CNTLN: variants seen among roughly 807,000 people sequenced by gnomAD.
CNTLN encodes the protein centlein.
A neutral mutation model predicts 180.0 loss-of-function variants in CNTLN; 212 were observed. That is an observed-to-expected ratio of 1.18 (90% CI 1.05 to 1.32). The LOEUF is 1.32. Ranked by LOEUF, CNTLN falls within the 40% of genes most tolerant of loss-of-function variation. The pLI is 0.00. For synonymous variants in CNTLN, 722 were observed against 563.1 expected (o/e 1.28, Z -3.99); for missense variants, 2,095 against 1,610.9 (o/e 1.30, Z -5.14).
At position 17,287,985 on chromosome 9, in the gene CNTLN, G is replaced by C. The variant is rs978848263; in HGVS notation, c.984-10205G>C. Among the ~76,000 whole-genome samples, 4 of 139,644 alleles carry C rather than the reference G, an allele frequency of 2.9e-5. 1 individual carries two copies. Among genetic ancestry groups the C allele is most frequent in the African/African-American group, 1.2e-4 (4 of 33,888 alleles). The allele number at this position is 139,644 out of a possible 152,430, so 91.6% of individuals were successfully genotyped here. On this transcript the variant is annotated intron_variant, in intron 6 of 25. Coordinates refer to ENST00000380647, the MANE Select transcript of CNTLN (RefSeq NM_017738.4). ...TCCTGGATTCCTTGATTTTTTGAAG[G>C]GTTTTTTGTGTCTCTGTTTCCTTCA...
At chr9:17,228,065 C>G (rs765626498) in intron 3 of CNTLN, among the ~76,000 whole-genome samples, 1 of 151,962 alleles carries the variant, frequency 6.6e-6, no homozygotes, top group Non-Finnish European at 1.5e-5. Context: ...AATGTAGATA[C>G]AAGTTTAGCG....
At chr9:17,383,006 C>A (rs1421678950) in intron 13 of CNTLN, among the ~76,000 whole-genome samples, 3 of 152,084 alleles carry the variant, frequency 2.0e-5, no homozygotes, top group African/African-American at 7.2e-5. Flanking sequence ...CTTGCAGGTT[C>A]CATGTAGAAA....
chr9:17,182,703 G>A (rs957289346), intron 2 of CNTLN, among the ~76,000 whole-genome samples: 7 of 152,164 alleles, frequency 4.6e-5, no homozygotes, highest in South Asian at 4.1e-4. Context: ...CCTGATCCTT[G>A]TGCCACTTCT....
chr9:17,301,926 A>T, intron 7 of CNTLN: 1 of 928,816 alleles, frequency 1.1e-6, no homozygotes, highest in South Asian at 5.0e-5. Flanking sequence ...TATATTTTAA[A>T]AAATCATAAC....
At chr9:17,462,130 A>G (rs1333985379) in intron 19 of CNTLN, among the ~76,000 whole-genome samples, 2 of 151,810 alleles carry the variant, frequency 1.3e-5, no homozygotes, top group Non-Finnish European at 2.9e-5. Context: ...GCTTAAAACA[A>G]CAGTTTATTA....
intron 6 of CNTLN, among the ~76,000 whole-genome samples, chr9:17,274,497 C>CTATG (rs1828177685): frequency 7.0e-6 from 1 of 143,598 alleles, no homozygotes; most frequent in Non-Finnish European, 1.5e-5. Flanking sequence ...ATCTATCTAT[C>CTATG]TATCTATGTA....
At chr9:17,213,903 C>T (rs549810687) in intron 2 of CNTLN, among the ~76,000 whole-genome samples, 4 of 152,020 alleles carry the variant, frequency 2.6e-5, no homozygotes, top group East Asian at 3.9e-4. Context: ...TTTCCATTTT[C>T]TTGGTAGATC....
chr9:17,260,982 G>T (rs1826923416), intron 5 of CNTLN, among the ~76,000 whole-genome samples: 1 of 151,202 alleles, frequency 6.6e-6, no homozygotes, highest in Non-Finnish European at 1.5e-5. Context: ...TCAGGTAATT[G>T]TAGGTGTGCA....
rs554020146 is a variant in CNTLN, at chr9:17,299,028, G to A, written c.1146+676G>A. 214 of 656,622 alleles carry A rather than the reference G, an allele frequency of 3.3e-4. No homozygotes were observed. The African/African-American group carries it at 3.9e-3, about 12-fold the overall frequency. The allele number at this position is 656,622 out of a possible 1,614,324, so 40.7% of individuals were successfully genotyped here. ...GGAGGCTGAGGCGGGCGAATCACAA[G>A]GTCAAGAGATCGAGACCATCCTGGC... is the stretch of plus-strand genomic sequence containing the variant. On this transcript the variant is annotated intron_variant, in intron 7 of 25. Transcript: ENST00000380647.
chr9:17,375,356 G>T (rs578072150), intron 13 of CNTLN, among the ~76,000 whole-genome samples: 5 of 152,180 alleles, frequency 3.3e-5, no homozygotes, highest in African/African-American at 9.6e-5. Flanking sequence ...GCGTTTGCTA[G>T]CATGACAGGG....
At chr9:17,498,620 C>T (rs1324030115) in intron 25 of CNTLN, among the ~76,000 whole-genome samples, 1 of 152,190 alleles carries the variant, frequency 6.6e-6, no homozygotes, top group Non-Finnish European at 1.5e-5. Flanking sequence ...AGTATGAAAT[C>T]TTCACCTGTC....
At chr9:17,288,017 C>T (rs1428078964) in intron 6 of CNTLN, among the ~76,000 whole-genome samples, 1 of 138,982 alleles carries the variant, frequency 7.2e-6, no homozygotes, top group Non-Finnish European at 1.5e-5. Flanking sequence ...TTCAGTTCTG[C>T]TCTGATGTTA....
chr9:17,212,539 G>A (rs893970813), intron 2 of CNTLN, among the ~76,000 whole-genome samples: 7 of 152,088 alleles, frequency 4.6e-5, no homozygotes, highest in African/African-American at 1.7e-4. Flanking sequence ...GTCTCTGCCC[G>A]GCTTTGGTAT....
At chr9:17,195,482 A>G (rs1487167780) in intron 2 of CNTLN, among the ~76,000 whole-genome samples, 2 of 152,056 alleles carry the variant, frequency 1.3e-5, no homozygotes, top group African/African-American at 4.8e-5. Context: ...TTCAATTATT[A>G]TCTGGTTTTA....
intron 15 of CNTLN, among the ~76,000 whole-genome samples, chr9:17,400,647 A>G (rs1826902483): frequency 6.6e-6 from 1 of 152,220 alleles, no homozygotes; most frequent in Admixed American, 6.5e-5. Context: ...AATAGGATAG[A>G]ACATTAAAAT....
chr9:17,455,756 T>C (rs995992819), intron 18 of CNTLN, among the ~76,000 whole-genome samples: 2 of 149,236 alleles, frequency 1.3e-5, no homozygotes, highest in Non-Finnish European at 3.0e-5. Flanking sequence ...GCAGGCAGGT[T>C]TGGGGAATGG....
chr9:17,363,771 GTTTA>G (rs1326377609), intron 12 of CNTLN, among the ~76,000 whole-genome samples: 3 of 151,876 alleles, frequency 2.0e-5, no homozygotes, highest in Non-Finnish European at 2.9e-5. Context: ...GATAATAAAT[GTTTA>G]TTTAATTCCT....
At chr9:17,504,226 C>G (rs1423140611), downstream of CNTLN, among the ~76,000 whole-genome samples, 3 of 152,100 alleles carry the variant, frequency 2.0e-5, no homozygotes, top group Non-Finnish European at 4.4e-5. Context: ...GATGGCGAAG[C>G]ATTGTGTTTA....
chr9:17,297,696 C>T (rs17828423), intron 6 of CNTLN, among the ~76,000 whole-genome samples: 33,851 of 152,082 alleles, frequency 0.22, 4,080 homozygotes, highest in South Asian at 0.36. Flanking sequence ...CAGCCCAGGA[C>T]CCTGAGGTTA....
Sources: allele counts gnomAD v4.1 joint callset (sites outside exome capture counted in the v4.1 genomes callset), GRCh38; gene constraint gnomAD v4.1.1; transcripts MANE v1.5; gene names NCBI Gene and HGNC (gene_info 2026-07-23, HGNC 2026-07-21).